HMG20A: variants seen among roughly 807,000 people sequenced by gnomAD.
The protein encoded by HMG20A is high mobility group 20A, also known as high mobility group protein 20A.
HMG20A carries 17 observed loss-of-function variants against 43.9 expected under a neutral mutation model. That is an observed-to-expected ratio of 0.39 (90% confidence interval 0.27 to 0.58). The LOEUF is 0.58. Among genes scored for constraint, HMG20A ranks in the 20% least tolerant of loss-of-function variants. HMG20A has a pLI of 0.59. For missense variants in HMG20A, 341 were observed against 438.2 expected (o/e 0.78, Z 1.98); for synonymous variants, 132 against 147.5 (o/e 0.89, Z 0.76).
intron 1 of HMG20A, among the ~76,000 whole-genome samples, chr15:77,431,016 G>A (rs556308813): frequency 2.6e-4 from 40 of 152,146 alleles, no homozygotes; most frequent in African/African-American, 8.7e-4. Flanking sequence ...AATACAAGGA[G>A]TACCACACTT....
chr15:77,512,339 AC>A, the HMG20A span, among the ~76,000 whole-genome samples: 1 of 152,210 alleles, frequency 6.6e-6, no homozygotes, highest in African/African-American at 2.4e-5. Context: ...TGATGGTTGC[AC>A]AACAATGAGA....
At chr15:77,473,750 G>T (rs1035512880) in intron 6 of HMG20A, among the ~76,000 whole-genome samples, 5 of 152,146 alleles carry the variant, frequency 3.3e-5, no homozygotes, top group African/African-American at 1.2e-4. Flanking sequence ...GTGAGTCTCT[G>T]TATTTCCCTG....
At position 77,426,514 on chromosome 15, in the gene HMG20A, A is replaced by G. The variant is rs540762782; in HGVS notation, c.-5+5510A>G. 4.6e-5 allele frequency among the ~76,000 whole-genome samples: 7 copies of G among 152,310 alleles called. No homozygotes were observed. The South Asian group carries it at 1.5e-3, about 32-fold the overall frequency. ...AGTGGAAGTGGATTATCATAAAGGT[A>G]TTCATCCTTGTCATCTTCACATTGA... On this transcript the variant is annotated intron_variant, in intron 1 of 9. Coordinates refer to ENST00000336216, the MANE Select transcript of HMG20A (RefSeq NM_001304504.2).
the HMG20A span, among the ~76,000 whole-genome samples, chr15:77,498,660 T>A: frequency 1.3e-5 from 2 of 152,270 alleles, no homozygotes; most frequent in Non-Finnish European, 2.9e-5. Flanking sequence ...TCTCCTCAGC[T>A]CCTGGAGACA....
At chr15:77,435,547 G>A (rs1451593132) in intron 1 of HMG20A, among the ~76,000 whole-genome samples, 1 of 152,058 alleles carries the variant, frequency 6.6e-6, no homozygotes, top group South Asian at 2.1e-4. Context: ...GCCCGCCTCG[G>A]CCTCCCAAAA....
At chr15:77,519,842 G>C in the HMG20A span, among the ~76,000 whole-genome samples, 1 of 152,174 alleles carries the variant, frequency 6.6e-6, no homozygotes, top group Non-Finnish European at 1.5e-5. Context: ...GAGCCAAGGG[G>C]ACTAGTTTGT....
At chr15:77,444,571 T>A (rs1308059759) in intron 1 of HMG20A, among the ~76,000 whole-genome samples, 1 of 152,196 alleles carries the variant, frequency 6.6e-6, no homozygotes, top group Non-Finnish European at 1.5e-5. Flanking sequence ...AAAGATTAAA[T>A]CTAACCACTT....
intron 1 of HMG20A, among the ~76,000 whole-genome samples, chr15:77,426,821 C>T (rs2073432530): frequency 6.6e-6 from 1 of 152,102 alleles, no homozygotes; most frequent in Non-Finnish European, 1.5e-5. Flanking sequence ...CATTCTTTCT[C>T]AGATCCTAGA....
Position 77,484,727 on chromosome 15 carries a change from T to C in HMG20A, c.*1764T>C, listed in dbSNP as rs145517793. 2 of 152,380 alleles carry C rather than the reference T, an allele frequency of 1.3e-5. No individual in the cohort carries two copies. Among genetic ancestry groups the C allele is most frequent in the East Asian group, 3.9e-4 (2 of 5,190 alleles). The allele number at this position is 152,380 out of a possible 1,614,324, so 9.4% of individuals were successfully genotyped here. On this transcript the variant is annotated 3_prime_UTR_variant, in exon 10 of 10. Coordinates refer to ENST00000336216, the MANE Select transcript of HMG20A (RefSeq NM_001304504.2). ...TTGCTATAAACCTAGCCAGTTCTCTTGCTCTTCTGTATTTTCCTATTTCCC... is the reference window on the plus strand; with the variant it reads ...TTGCTATAAACCTAGCCAGTTCTCTCGCTCTTCTGTATTTTCCTATTTCCC...
chr15:77,494,273 A>T, the HMG20A span, among the ~76,000 whole-genome samples: 1 of 152,058 alleles, frequency 6.6e-6, no homozygotes, highest in African/African-American at 2.4e-5. Flanking sequence ...AGGACTACAG[A>T]TGTGCACTAC....
At chr15:77,441,741 CT>C (rs137877769) in intron 1 of HMG20A, among the ~76,000 whole-genome samples, 3,933 of 152,142 alleles carry the variant, frequency 0.026, 79 homozygotes, top group Middle Eastern at 0.054. Context: ...CACAGTTAAG[CT>C]TTTTTTCCCT....
At chr15:77,437,970 G>C (rs189065150) in intron 1 of HMG20A, among the ~76,000 whole-genome samples, 2 of 151,350 alleles carry the variant, frequency 1.3e-5, no homozygotes, top group Admixed American at 1.3e-4. Flanking sequence ...AATTTTGTTC[G>C]TTTTTTTGAG....
At position 77,422,689 on chromosome 15, in the gene HMG20A, T is replaced by TA. The variant is rs909171575; in HGVS notation, c.-5+1694dup. ...ATATGTTTTAAACCAAATATTACAG[T>TA]AAAAAAAAATACATGTTTTAATCTT... On this transcript the variant is annotated intron_variant, in intron 1 of 9. Coordinates refer to ENST00000336216, the MANE Select transcript of HMG20A (RefSeq NM_001304504.2). Among the ~76,000 whole-genome samples, 18 of 151,232 alleles carry TA rather than the reference T, an allele frequency of 1.2e-4. No individual in the cohort carries two copies. In the South Asian group the frequency reaches 1.3e-3, roughly 11 times the overall value.
At chr15:77,470,118 G>T (rs115335752) in intron 4 of HMG20A, among the ~76,000 whole-genome samples, 2 of 152,158 alleles carry the variant, frequency 1.3e-5, no homozygotes, top group African/African-American at 4.8e-5. Flanking sequence ...ACCAGATTTG[G>T]CCAGTTGAGT....
At chr15:77,469,198 C>A (rs1266243424) in intron 4 of HMG20A, among the ~76,000 whole-genome samples, 2 of 149,782 alleles carry the variant, frequency 1.3e-5, no homozygotes, top group Admixed American at 1.3e-4. Context: ...TATTTAAATT[C>A]TCCTTTGTCA....
At chr15:77,502,176 C>T in the HMG20A span, among the ~76,000 whole-genome samples, 15 of 152,180 alleles carry the variant, frequency 9.9e-5, no homozygotes, top group South Asian at 2.1e-4. Flanking sequence ...GTATGAAATA[C>T]GGCCATGCTG....
At chr15:77,511,453 G>A in the HMG20A span, among the ~76,000 whole-genome samples, 1 of 152,168 alleles carries the variant, frequency 6.6e-6, no homozygotes, top group Non-Finnish European at 1.5e-5. Context: ...GGCTGGGGCA[G>A]GGGAAATAGA....
the HMG20A span, among the ~76,000 whole-genome samples, chr15:77,517,758 C>A: frequency 6.6e-6 from 1 of 151,884 alleles, no homozygotes; most frequent in South Asian, 2.1e-4. Flanking sequence ...CAAATGGGCA[C>A]TGGGCTCAGA....
chr15:77,455,987 C>T (rs2142320729), intron 1 of HMG20A, among the ~76,000 whole-genome samples: 1 of 152,274 alleles, frequency 6.6e-6, no homozygotes, highest in African/African-American at 2.4e-5. Flanking sequence ...GCCCCTTAAC[C>T]TTCCACCCAC....
Sources: gnomAD v4.1 joint callset for allele counts (sites outside exome capture counted in the v4.1 genomes callset) on GRCh38, gnomAD v4.1.1 for gene constraint, MANE v1.5 for transcripts, NCBI Gene and HGNC (gene_info 2026-07-23, HGNC 2026-07-21) for gene names.